The following DSCAML1 variants were observed in gnomAD, a reference collection of about 807,000 sequenced individuals.
The protein encoded by DSCAML1 is DS cell adhesion molecule like 1.
DSCAML1 carries 38 observed loss-of-function variants against 200.5 expected under a neutral mutation model. That is an observed-to-expected ratio of 0.19 (90% confidence interval 0.15 to 0.25). The LOEUF (loss-of-function observed/expected upper bound fraction) is 0.25. DSCAML1 is among the 10% of genes least tolerant of loss of function. The pLI is 1.00. For missense variants in DSCAML1, 2,223 were observed against 2,858.8 expected, an observed-to-expected ratio of 0.78 and a Z score of 5.07; for synonymous variants, 1,215 against 1,165.0, an observed-to-expected ratio of 1.04 and a Z score of -0.87.
chr11:117,430,093 AC>A (rs1340539122), intron 32 of DSCAML1, among the ~76,000 whole-genome samples: 6 of 151,972 alleles, frequency 3.9e-5, no homozygotes. Flanking sequence ...GCACGCTGTG[AC>A]CCCAGCATCT....
rs2048882965 is a variant in DSCAML1 at position 117,480,210 on chromosome 11, T to C, written c.2785+233A>G. ...CCCAGGGACAGTCCTGGAAAGGAGC[T>C]GACATCACTACCCATCAACTGGGGG... On this transcript the variant is annotated intron_variant, in intron 14 of 32. Coordinates refer to ENST00000651296, the MANE Select transcript of DSCAML1 (RefSeq NM_020693.4). The surrounding 1 kb of genome is among the most constrained non-coding windows in gnomAD (Gnocchi z 4.1). 6.6e-6 allele frequency among the ~76,000 whole-genome samples: 1 copy of C among 152,198 alleles called. No individual in the cohort carries two copies. The highest frequency in any genetic ancestry group is 6.5e-5 in the Admixed American group (1 of 15,286).
intron 20 of DSCAML1, among the ~76,000 whole-genome samples, chr11:117,449,080 G>T (rs369447285): frequency 6.6e-6 from 1 of 152,170 alleles, no homozygotes; most frequent in East Asian, 1.9e-4. Flanking sequence ...TGAAATTCAG[G>T]AATTCAAAAT....
Position 117,524,897 on chromosome 11 carries a change from C to G in DSCAML1, c.845G>C (p.Ser282Thr). The G allele has an allele frequency of 6.2e-7, 1 of 1,613,274 alleles. No homozygotes were observed. The highest frequency in any genetic ancestry group is 1.1e-5 in the South Asian group (1 of 90,702). The change falls in exon 5 of 33, where the codon AGC (serine) becomes ACC (threonine). Residue 282 changes from serine (S) to threonine (T), a missense_variant. Transcript: ENST00000651296. ...GCCGCTGTCCTCGGTCCGCAAGTCG[C>G]TGATGGTCAGCCCTGTGATGCGCTT... Reference protein sequence around the residue: ...WTKRITGLTISDLRTEDSGTY... With the variant: ...WTKRITGLTITDLRTEDSGTY...
At chr11:117,601,196 T>C (rs2051459943) in intron 3 of DSCAML1, among the ~76,000 whole-genome samples, 1 of 140,536 alleles carries the variant, frequency 7.1e-6, no homozygotes, top group Admixed American at 7.5e-5. Context: ...TAAACTACAG[T>C]GAGCTACAAA....
rs1181671345 is a variant in DSCAML1 at position 117,685,658 on chromosome 11, C to T, written c.511+91133G>A. Among the ~76,000 whole-genome samples the T allele has an allele frequency of 3.3e-5, 5 of 152,132 alleles. No homozygotes were observed. The South Asian group carries it at 6.2e-4, about 19-fold the overall frequency. ...GAGCTGTTGTGAGCTCTGAGCTCCCCGGGAGGAGACGGAAAGCACGCGTAC... is the reference window on the plus strand; with the variant it reads ...GAGCTGTTGTGAGCTCTGAGCTCCCTGGGAGGAGACGGAAAGCACGCGTAC... On this transcript the variant is annotated intron_variant, in intron 3 of 32. Transcript: ENST00000651296.
At chr11:117,585,107 G>T (rs1341994595) in intron 3 of DSCAML1, among the ~76,000 whole-genome samples, 1 of 152,052 alleles carries the variant, frequency 6.6e-6, no homozygotes, top group Non-Finnish European at 1.5e-5. Context: ...ATTATTCAGG[G>T]CCTCCTCTCT....
chr11:117,566,060 A>C (rs1334958846), intron 3 of DSCAML1, among the ~76,000 whole-genome samples: 1 of 152,224 alleles, frequency 6.6e-6, no homozygotes, highest in Non-Finnish European at 1.5e-5. Flanking sequence ...AGCACTGGCC[A>C]TGGGTTGGGC....
At chr11:117,486,520 A>G (rs566390606) in intron 11 of DSCAML1, among the ~76,000 whole-genome samples, 1 of 152,344 alleles carries the variant, frequency 6.6e-6, no homozygotes, top group East Asian at 1.9e-4. Context: ...TCAGGCAAGA[A>G]GGAAAGCAGA....
At chr11:117,442,338 G>GTATGTGTT (rs1555168693) in intron 21 of DSCAML1, among the ~76,000 whole-genome samples, 1 of 151,798 alleles carries the variant, frequency 6.6e-6, no homozygotes, top group East Asian at 1.9e-4. Context: ...TGTATAGTGT[G>GTATGTGTT]TATGTGTGTG....
chr11:117,757,473 C>T (rs541189714), intron 3 of DSCAML1, among the ~76,000 whole-genome samples: 1 of 152,020 alleles, frequency 6.6e-6, no homozygotes, highest in Non-Finnish European at 1.5e-5. Flanking sequence ...CATAATACCA[C>T]ATGTACCCCA....
intron 3 of DSCAML1, among the ~76,000 whole-genome samples, chr11:117,769,240 TTATATATGTA>T (rs1212413034): frequency 2.7e-5 from 2 of 74,380 alleles, no homozygotes; most frequent in South Asian, 5.9e-4. Flanking sequence ...ATTATATATT[TTATATATGTA>T]TATATTATAT....
intron 16 of DSCAML1, among the ~76,000 whole-genome samples, chr11:117,468,640 G>A (rs1217943584): frequency 1.3e-5 from 2 of 152,300 alleles, no homozygotes; most frequent in South Asian, 2.1e-4. Flanking sequence ...TGAATCTGGA[G>A]AGGAACCCTG....
At chr11:117,649,920 G>T (rs1490726995) in intron 3 of DSCAML1, among the ~76,000 whole-genome samples, 1 of 152,162 alleles carries the variant, frequency 6.6e-6, no homozygotes, top group Non-Finnish European at 1.5e-5. Context: ...CCCAGGAGTT[G>T]CCTCTTGATG....
At chr11:117,716,919 A>AC (rs1307920407) in intron 3 of DSCAML1, among the ~76,000 whole-genome samples, 1 of 151,542 alleles carries the variant, frequency 6.6e-6, no homozygotes. Context: ...TGAAATATTT[A>AC]CTCTCTGGTC....
At chr11:117,643,343 G>A (rs548922788) in intron 3 of DSCAML1, among the ~76,000 whole-genome samples, 2 of 152,190 alleles carry the variant, frequency 1.3e-5, no homozygotes, top group Admixed American at 6.5e-5. Flanking sequence ...GTGTGTTTGT[G>A]TGTGTATGTG....
intron 2 of DSCAML1, among the ~76,000 whole-genome samples, chr11:117,778,263 A>G (rs2055168219): frequency 6.6e-6 from 1 of 152,194 alleles, no homozygotes; most frequent in Non-Finnish European, 1.5e-5. Context: ...CAGCCCTTCC[A>G]AAGGTTTGGG....
Position 117,518,753 on chromosome 11 carries a change from G to A in DSCAML1, c.1223C>T (p.Pro408Leu). 1.2e-6 allele frequency: 2 copies of A among 1,611,390 alleles called. No individual in the cohort carries two copies. Among genetic ancestry groups the A allele is most frequent in the Non-Finnish European group, 1.7e-6 (2 of 1,179,912 alleles). The change falls in exon 7 of 33, where the codon CCC (proline) becomes CTC (leucine). Residue 408 changes from proline to leucine, a missense_variant. This residue lies in a region of DSCAML1 where 579 missense variants were observed against 721.5 expected (regional missense o/e 0.80). Transcript: ENST00000651296. This position sits in a 1 kb window ranked among gnomAD's most constrained non-coding sequence, Gnocchi z 6.3. ...FAIIALEDGT[P>L]RIVSSFSEKV... ...CTCGCTGAAGGACGAGACGATGCGG[G>A]GCGTGCCATCTGCAGGGAGCGAGAA...
At chr11:117,491,765 C>T (rs537786949) in intron 11 of DSCAML1, among the ~76,000 whole-genome samples, 1 of 152,120 alleles carries the variant, frequency 6.6e-6, no homozygotes, top group Admixed American at 6.5e-5. Context: ...CAGAGTGAGA[C>T]TCTGTGTCAA....
At chr11:117,682,043 G>A (rs12295127) in intron 3 of DSCAML1, among the ~76,000 whole-genome samples, 18,628 of 152,134 alleles carry the variant, frequency 0.12, 1,164 homozygotes, top group Middle Eastern at 0.18. Context: ...AGTGGTTCTC[G>A]ATGACAGTAA....
Sources: gnomAD v4.1 joint callset for allele counts (sites outside exome capture counted in the v4.1 genomes callset) on GRCh38, gnomAD v4.1.1 for gene constraint, gnomAD v4.1.1 regional missense constraint, Gnocchi (gnomAD v3.1) non-coding constraint, MANE v1.5 for transcripts, NCBI Gene and HGNC (gene_info 2026-07-23, HGNC 2026-07-21) for gene names.